The following SLC6A13 variants were observed in gnomAD, a reference collection of about 807,000 sequenced individuals.
SLC6A13 encodes solute carrier family 6 member 13.
Under a neutral mutation model 72.9 loss-of-function variants are expected in SLC6A13, and 69 were observed. The ratio of observed to expected loss-of-function variants is 0.95; its 90% CI spans 0.78 to 1.16. The LOEUF (loss-of-function observed/expected upper bound fraction) is 1.16, where lower values mean the gene tolerates loss of function less well. Among genes scored for constraint, SLC6A13 ranks in the 50% most tolerant of loss-of-function variants. The pLI, the probability that SLC6A13 is intolerant of heterozygous loss-of-function variation, is 0.00. For synonymous variants in SLC6A13, 303 were observed against 303.0 expected (o/e 1.00, Z 0.00); for missense variants, 735 against 760.5 (o/e 0.97, Z 0.39).
intron 7 of SLC6A13, among the ~76,000 whole-genome samples, chr12:232,434 C>G (rs2137273201): frequency 6.6e-6 from 1 of 152,334 alleles, no homozygotes; most frequent in African/African-American, 2.4e-5. Context: ...CTGCTCGCCA[C>G]CTACCATCCA....
intron 2 of SLC6A13, among the ~76,000 whole-genome samples, chr12:251,447 A>G (rs1406908190): frequency 6.6e-6 from 1 of 152,186 alleles, no homozygotes; most frequent in Non-Finnish European, 1.5e-5. Context: ...TTCAACCCAT[A>G]TCTTCACTGT....
chr12:237,278 C>T lies in SLC6A13; in HGVS notation c.576G>A (p.Leu192=), dbSNP rs1387073311. 9 of 1,614,192 alleles carry T rather than the reference C, an allele frequency of 5.6e-6. No homozygotes were observed. In the East Asian group the frequency reaches 2.0e-4, roughly 36 times the overall value. ...PVIEFWERRV[L]KISDGIQHLG... ...GGTGCTGGATCCCATCAGAGATCTT[C>T]AAGACCCGCCGCCTGGGGAGAGAAG... is the stretch of plus-strand genomic sequence containing the variant. Residue 192 remains leucine, a synonymous_variant, in exon 6 of 15, where the codon TTG becomes TTA. Transcript: ENST00000343164.
intron 7 of SLC6A13, among the ~76,000 whole-genome samples, chr12:231,580 G>A (rs1203926745): frequency 6.6e-6 from 1 of 152,116 alleles, no homozygotes; most frequent in African/African-American, 2.4e-5. Context: ...ACCAGTCCTG[G>A]CACTTGAGCC....
intron 6 of SLC6A13, among the ~76,000 whole-genome samples, chr12:236,405 C>T (rs1324887337): frequency 3.9e-5 from 6 of 152,142 alleles, no homozygotes; most frequent in African/African-American, 7.2e-5. Context: ...CTCAGCCAGC[C>T]GACACTTATG....
rs757934175 is a variant in SLC6A13, at chr12:221,063, C to CG, written c.1693dup (p.Arg565ProfsTer76). The CG allele has an allele frequency of 7.5e-6, 12 of 1,603,892 alleles. No homozygotes were observed. The South Asian group carries it at 1.3e-4, about 18-fold the overall frequency. ...GTCCTCGGCTGGGCACATGAGCTGA[C>CG]GGATTCTCTGCGGGGATAGCAGAGG... On this transcript the variant is annotated frameshift_variant, in exon 15 of 15. Coordinates refer to ENST00000343164, the MANE Select transcript of SLC6A13 (RefSeq NM_016615.5). LOFTEE classifies it low-confidence loss of function (END_TRUNC).
chr12:229,516 C>T (rs985155589), intron 7 of SLC6A13, among the ~76,000 whole-genome samples: 1 of 152,206 alleles, frequency 6.6e-6, no homozygotes, highest in African/African-American at 2.4e-5. Flanking sequence ...GCTTCAAGAG[C>T]AGGACCTTCT....
intron 2 of SLC6A13, among the ~76,000 whole-genome samples, chr12:251,457 T>C (rs543699215): frequency 6.6e-6 from 1 of 152,158 alleles, no homozygotes; most frequent in Non-Finnish European, 1.5e-5. Context: ...ATCTTCACTG[T>C]ATACAAAAAT....
At chr12:243,152 G>A (rs772929959) in intron 3 of SLC6A13, among the ~76,000 whole-genome samples, 6 of 151,942 alleles carry the variant, frequency 3.9e-5, no homozygotes, top group South Asian at 2.1e-4. Flanking sequence ...TAGGATTACC[G>A]GTGCCCACCA....
At chr12:240,870 G>A (rs1364251843) in intron 4 of SLC6A13, among the ~76,000 whole-genome samples, 3 of 152,204 alleles carry the variant, frequency 2.0e-5, no homozygotes, top group African/African-American at 7.2e-5. Flanking sequence ...TCAAGTACAA[G>A]GTGAGAGAGG....
At chr12:225,838 C>T (rs1161707572) in intron 9 of SLC6A13, among the ~76,000 whole-genome samples, 1 of 152,112 alleles carries the variant, frequency 6.6e-6, no homozygotes. Flanking sequence ...TATGGCTTAT[C>T]CAGACTGGGG....
At chr12:227,152 A>T (rs1353906636) in intron 8 of SLC6A13, among the ~76,000 whole-genome samples, 1 of 152,196 alleles carries the variant, frequency 6.6e-6, no homozygotes, top group Non-Finnish European at 1.5e-5. Flanking sequence ...CACATCATGG[A>T]TACATTCTCG....
chr12:223,971 C>A, intron 11 of SLC6A13, 21 bp downstream of exon 11: 1 of 1,605,664 alleles, frequency 6.2e-7, no homozygotes, highest in Non-Finnish European at 8.5e-7. Flanking sequence ...CCCAGCCTTC[C>A]CCCGCTTCCC....
In SLC6A13 at chr12:243,720, C is replaced by G. The variant is rs1468079797; in HGVS notation, c.296G>C (p.Gly99Ala). The change falls in exon 3 of 15, where the codon GGA becomes GCA. Residue 99 changes from glycine to alanine, a missense_variant. Physicochemically the swap from Gly to Ala is moderately conservative, Grantham distance 60 (BLOSUM62 0). Coordinates refer to ENST00000343164, the MANE Select transcript of SLC6A13 (RefSeq NM_016615.5). The part of the protein sequence containing the change: ...ETALGQYTSQ[G>A]GVTAWRKICP... ...GATCTTCCTCCAGGCTGTGACGCCT[C>G]CCTGGCTAGTGTACTGGCCTAGTGC... 1 of 1,614,192 alleles carries G rather than the reference C, an allele frequency of 6.2e-7. No homozygotes were observed. The highest frequency in any genetic ancestry group is 2.2e-5 in the East Asian group (1 of 44,888).
Position 222,519 on chromosome 12 carries a change from GA to G in SLC6A13, c.1515+12del. 1 of 1,562,560 alleles carries G rather than the reference GA, an allele frequency of 6.4e-7. No individual in the cohort carries two copies. Among genetic ancestry groups the G allele is most frequent in the Non-Finnish European group, 8.8e-7 (1 of 1,139,436 alleles). On this transcript the variant is annotated intron_variant, in intron 13 of 14. Coordinates refer to ENST00000343164, the MANE Select transcript of SLC6A13 (RefSeq NM_016615.5). ...CCTCCCTTCATCTGACTTTATCCCT[GA>G]AATGATCTTACTGTGCACACAGCTG...
chr12:258,555 A>C (rs970006046), intron 2 of SLC6A13, among the ~76,000 whole-genome samples: 1 of 152,140 alleles, frequency 6.6e-6, no homozygotes, highest in African/African-American at 2.4e-5. Flanking sequence ...CTGCAGTCTC[A>C]CTACAAAATC....
intron 9 of SLC6A13, among the ~76,000 whole-genome samples, chr12:225,511 G>A (rs532637319): frequency 3.9e-5 from 6 of 152,312 alleles, no homozygotes; most frequent in Non-Finnish European, 7.3e-5. Flanking sequence ...TTAGCCGGGC[G>A]TGGTGGCACA....
intron 2 of SLC6A13, among the ~76,000 whole-genome samples, chr12:251,691 G>A (rs780376432): frequency 7.2e-5 from 11 of 152,110 alleles, no homozygotes; most frequent in South Asian, 2.1e-4. Flanking sequence ...AGTGGCTCAC[G>A]CCTGTAATCC....
chr12:242,282 C>T (rs912317898), intron 4 of SLC6A13, among the ~76,000 whole-genome samples: 4 of 152,152 alleles, frequency 2.6e-5, no homozygotes, highest in South Asian at 2.1e-4. Flanking sequence ...AGACCTAAAA[C>T]GTACCAGAGA....
intron 7 of SLC6A13, among the ~76,000 whole-genome samples, chr12:234,003 A>C (rs1046214910): frequency 5.9e-5 from 9 of 152,100 alleles, no homozygotes; most frequent in Non-Finnish European, 1.3e-4. Flanking sequence ...GATACCAGTC[A>C]TAAAGACCTT....
Sources: gnomAD v4.1 joint callset for allele counts (sites outside exome capture counted in the v4.1 genomes callset) on GRCh38, gnomAD v4.1.1 for gene constraint, MANE v1.5 for transcripts, NCBI Gene and HGNC (gene_info 2026-07-23, HGNC 2026-07-21) for gene names.